Variants in KDM2A observed in about 807,000 individuals in gnomAD.
KDM2A encodes lysine demethylase 2A.
In KDM2A, 3 loss-of-function variants were observed where a neutral mutation model predicts 137.3. That is an observed-to-expected ratio of 0.02 (90% CI 0.01 to 0.06). The LOEUF (loss-of-function observed/expected upper bound fraction) is 0.06, where lower values mean the gene tolerates loss of function less well. Ranked by LOEUF, KDM2A falls within the 10% of genes least tolerant of loss-of-function variation. The pLI, the probability that KDM2A is intolerant of heterozygous loss-of-function variation, is 1.00. For synonymous variants in KDM2A, 512 were observed against 541.5 expected, an observed-to-expected ratio of 0.95 and a Z score of 0.76; for missense variants, 738 against 1,510.6, an observed-to-expected ratio of 0.49 and a Z score of 8.48.
At chr11:67,143,348 A>G (rs1028590425) in intron 2 of KDM2A, 7 of 152,034 alleles carry the variant, frequency 4.6e-5, no homozygotes, top group Admixed American at 2.0e-4. Context: ...TCTTTGCTAC[A>G]GGACTTCAGG....
chr11:67,125,997 G>A (rs1855717817), intron 2 of KDM2A, among the ~76,000 whole-genome samples: 1 of 147,788 alleles, frequency 6.8e-6, no homozygotes, highest in African/African-American at 2.5e-5. Flanking sequence ...TGTAATCCCA[G>A]CACTTCGGGA....
chr11:67,121,506 T>C (rs549268383), intron 2 of KDM2A, 148 bp downstream of exon 2: 3 of 674,778 alleles, frequency 4.4e-6, no homozygotes, highest in East Asian at 5.5e-5. Flanking sequence ...TGTATTAATA[T>C]CGAATTTGGC....
chr11:67,192,199 C>T (rs1857371982), intron 5 of KDM2A, among the ~76,000 whole-genome samples: 1 of 152,244 alleles, frequency 6.6e-6, no homozygotes. Context: ...CCTTTTCCTT[C>T]CTCCTCTCTC....
intron 5 of KDM2A, among the ~76,000 whole-genome samples, chr11:67,205,243 C>G (rs544795993): frequency 2.9e-4 from 44 of 152,264 alleles, no homozygotes; most frequent in South Asian, 1.2e-3. Context: ...ATTTGACATT[C>G]ACTTTTTCTT....
Position 67,254,889 on chromosome 11 carries a change from C to A in KDM2A, c.3323C>A (p.Thr1108Lys). 6.2e-7 allele frequency: 1 copy of A among 1,613,904 alleles called. No homozygotes were observed. ...TTCCCGACAGGTTGCAATAAATTGACAGACCAGACCCTGATCTACCTACGG... is the reference window on the plus strand; with the variant it reads ...TTCCCGACAGGTTGCAATAAATTGAAAGACCAGACCCTGATCTACCTACGG... The part of the protein sequence containing the change: ...ELNMAGCNKL[T>K]DQTLIYLRRI... The change falls in exon 21 of 21, where the codon ACA (threonine) becomes AAA (lysine). Residue 1108 changes from threonine to lysine, a missense_variant. This residue lies in a region of KDM2A where 166 missense variants were observed against 324.0 expected (regional missense o/e 0.51). Transcript: ENST00000529006. This position sits in a 1 kb window ranked among gnomAD's most constrained non-coding sequence, Gnocchi z 4.7.
chr11:67,149,329 T>A (rs1856327925), intron 2 of KDM2A: 1 of 152,132 alleles, frequency 6.6e-6, no homozygotes, highest in Non-Finnish European at 1.5e-5. Context: ...CCTTTTAGGG[T>A]TGGTTGAGGA....
intron 12 of KDM2A, among the ~76,000 whole-genome samples, chr11:67,234,807 C>G (rs2136431213): frequency 6.6e-6 from 1 of 152,274 alleles, no homozygotes; most frequent in South Asian, 2.1e-4. Context: ...GAGCTGTGAT[C>G]TCACCACTGC....
chr11:67,189,117 T>A (rs1857281826), intron 5 of KDM2A, among the ~76,000 whole-genome samples: 1 of 152,180 alleles, frequency 6.6e-6, no homozygotes, highest in Non-Finnish European at 1.5e-5. Context: ...TACACATTCT[T>A]TTCAAGTGTA....
chr11:67,213,733 T>C (rs1189165034), intron 6 of KDM2A, among the ~76,000 whole-genome samples: 2 of 139,746 alleles, frequency 1.4e-5, no homozygotes, highest in Non-Finnish European at 3.0e-5. Flanking sequence ...CATTATAGCC[T>C]GGGTGACAGA....
intron 2 of KDM2A, among the ~76,000 whole-genome samples, chr11:67,141,145 G>A (rs1010519036): frequency 3.9e-5 from 6 of 151,902 alleles, no homozygotes; most frequent in African/African-American, 1.5e-4. Flanking sequence ...TGTATTTTGG[G>A]GAACACAAGC....
At chr11:67,197,714 TC>T (rs1328552046) in intron 5 of KDM2A, among the ~76,000 whole-genome samples, 2 of 152,208 alleles carry the variant, frequency 1.3e-5, no homozygotes, top group Non-Finnish European at 2.9e-5. Flanking sequence ...AGCAAAACTG[TC>T]CTGAGCTACA....
chr11:67,257,718 T>TATAGA lies in KDM2A; in HGVS notation c.*2666_*2667insGAATA, dbSNP rs2136476769. The TATAGA allele has an allele frequency of 6.6e-6, 1 of 152,298 alleles. No homozygotes were observed. The highest frequency in any genetic ancestry group is 1.5e-5 in the Non-Finnish European group (1 of 68,020). The allele number at this position is 152,298 out of a possible 1,614,324, so 9.4% of individuals were successfully genotyped here. ...GTTTTTCGGAGAAATATTGTAAATATATATTTTTTTGTTGCTGATTTAGAG... is the reference window on the plus strand; with the variant it reads ...GTTTTTCGGAGAAATATTGTAAATATATAGAATATTTTTTTGTTGCTGATTTAGAG... On this transcript the variant is annotated 3_prime_UTR_variant, in exon 21 of 21. Coordinates refer to ENST00000529006, the MANE Select transcript of KDM2A (RefSeq NM_012308.3).
At chr11:67,160,501 G>A (rs544401528) in intron 2 of KDM2A, among the ~76,000 whole-genome samples, 10 of 152,298 alleles carry the variant, frequency 6.6e-5, no homozygotes, top group African/African-American at 2.4e-4. Flanking sequence ...GGCCGGGTGC[G>A]ATGTTCACAC....
intron 2 of KDM2A, among the ~76,000 whole-genome samples, chr11:67,179,600 T>G (rs1160460553): frequency 6.6e-6 from 1 of 152,210 alleles, no homozygotes; most frequent in Non-Finnish European, 1.5e-5. Flanking sequence ...TTATTTAGAT[T>G]AACTTTCTTC....
At chr11:67,226,512 GGA>G (rs1225678881) in intron 10 of KDM2A, among the ~76,000 whole-genome samples, 5 of 152,162 alleles carry the variant, frequency 3.3e-5, no homozygotes, top group Non-Finnish European at 7.3e-5. Context: ...CACGAGGTCA[GGA>G]GATCGAGACC....
intron 2 of KDM2A, among the ~76,000 whole-genome samples, chr11:67,176,109 C>G (rs1841212386): frequency 6.6e-6 from 1 of 152,096 alleles, no homozygotes; most frequent in African/African-American, 2.4e-5. Flanking sequence ...TTGTGGCAGC[C>G]AAGTTACTAG....
rs1859532094 is a variant in KDM2A, at chr11:67,254,292, C to T, written c.3181C>T (p.Arg1061Cys). Residue 1061 changes from arginine (R) to cysteine (C), a missense_variant, in exon 20 of 21, where the codon CGC becomes TGC. Around this residue, in one of 9 missense-constraint regions of KDM2A, gnomAD observed 166 missense variants for 324.0 expected, o/e 0.51. Transcript: ENST00000529006. The surrounding 1 kb of genome is among the most constrained non-coding windows in gnomAD (Gnocchi z 4.7). ...AGATGCCACGCTTCGCCTCATAATTCGCCACATGCCCCTCCTGTCTCGACT... is the reference window on the plus strand; with the variant it reads ...AGATGCCACGCTTCGCCTCATAATTTGCCACATGCCCCTCCTGTCTCGACT... ...ITDATLRLII[R>C]HMPLLSRLDL... 5.6e-6 allele frequency: 9 copies of T among 1,613,920 alleles called. No individual in the cohort carries two copies. The highest frequency in any genetic ancestry group is 1.7e-5 in the Admixed American group (1 of 60,006).
chr11:67,211,659 C>T (rs1015701809), intron 6 of KDM2A, among the ~76,000 whole-genome samples: 6 of 148,542 alleles, frequency 4.0e-5, no homozygotes, highest in Non-Finnish European at 8.9e-5. Flanking sequence ...ATATAATAGC[C>T]TATTAGTAGT....
intron 12 of KDM2A, among the ~76,000 whole-genome samples, chr11:67,234,744 G>A (rs983233945): frequency 6.6e-6 from 1 of 152,124 alleles, no homozygotes; most frequent in African/African-American, 2.4e-5. Flanking sequence ...TCCCAGCTAC[G>A]TGGAAGGCTG....
Sources: allele counts gnomAD v4.1 joint callset (sites outside exome capture counted in the v4.1 genomes callset), GRCh38; gene constraint gnomAD v4.1.1; regional missense constraint gnomAD v4.1.1; non-coding constraint Gnocchi (gnomAD v3.1); transcripts MANE v1.5; gene names NCBI Gene and HGNC (gene_info 2026-07-23, HGNC 2026-07-21).